MINAR1: variants seen among roughly 807,000 people sequenced by gnomAD.
The protein encoded by MINAR1 is major intrinsically disordered Notch2-binding receptor 1.
Under a neutral mutation model 65.1 loss-of-function variants are expected in MINAR1, and 40 were observed. The observed-to-expected ratio is 0.61, with a 90% CI of 0.48 to 0.80. The LOEUF (loss-of-function observed/expected upper bound fraction) is 0.80. Ranked by LOEUF, MINAR1 falls within the 30% of genes least tolerant of loss-of-function variation. The pLI, the probability that MINAR1 is intolerant of heterozygous loss-of-function variation, is 0.00. For synonymous variants in MINAR1, 482 were observed against 449.1 expected, an observed-to-expected ratio of 1.07 and a Z score of -0.93; for missense variants, 1,128 against 1,148.0, an observed-to-expected ratio of 0.98 and a Z score of 0.25.
At chr15:79,442,061 T>TA (rs1894884874) in intron 1 of MINAR1, among the ~76,000 whole-genome samples, 2 of 150,948 alleles carry the variant, frequency 1.3e-5, no homozygotes, top group South Asian at 2.1e-4. Context: ...TTTTTTTTTT[T>TA]ACTGTTTTTT....
intron 1 of MINAR1, among the ~76,000 whole-genome samples, chr15:79,436,606 G>A (rs1894605680): frequency 6.6e-6 from 1 of 152,226 alleles, no homozygotes; most frequent in Non-Finnish European, 1.5e-5. Context: ...TTGGTGGAAT[G>A]AATTGAATGA....
chr15:79,464,089 G>A (rs998992978), intron 3 of MINAR1, among the ~76,000 whole-genome samples: 1 of 152,120 alleles, frequency 6.6e-6, no homozygotes, highest in Non-Finnish European at 1.5e-5. Context: ...AGGCTTCCCT[G>A]AAATGGCCTT....
At chr15:79,440,781 C>T (rs1894849009) in intron 1 of MINAR1, among the ~76,000 whole-genome samples, 1 of 152,174 alleles carries the variant, frequency 6.6e-6, no homozygotes, top group African/African-American at 2.4e-5. Context: ...GTTGTAATAC[C>T]TCCCCTTGTT....
In MINAR1 at chr15:79,458,292, G is replaced by A. The variant is rs200979092; in HGVS notation, c.2145G>A (p.Glu715=). The change falls in exon 2 of 4, where the codon GAG becomes GAA. Residue 715 remains glutamate (E), a synonymous_variant. Coordinates refer to ENST00000305428, the MANE Select transcript of MINAR1 (RefSeq NM_015206.3). ...CATCCTCTAGGTCCCTAACAGAGGA[G>A]AACAGTGCCACAGAGTCCAAAATTG... The part of the protein sequence containing the change: ...TRPSSRSLTE[E]NSATESKIAS... The A allele has an allele frequency of 8.1e-6, 13 of 1,614,118 alleles. No homozygotes were observed. The highest frequency in any genetic ancestry group is 3.3e-4 in the Middle Eastern group (2 of 6,062).
chr15:79,462,612 G>T (rs969542350), intron 2 of MINAR1, among the ~76,000 whole-genome samples: 4 of 151,438 alleles, frequency 2.6e-5, no homozygotes, highest in Non-Finnish European at 5.9e-5. Context: ...GAAAGGACCC[G>T]TATCTTTTAC....
At position 79,452,038 on chromosome 15, in the gene MINAR1, G is replaced by A. The variant is rs148187803; in HGVS notation, c.-50-4060G>A. ...GTGAGCCTGTGTATGTGGTGTATACGTGTTTGTGAATGTGTGTGTGTGCAG... is the reference window on the plus strand; with the variant it reads ...GTGAGCCTGTGTATGTGGTGTATACATGTTTGTGAATGTGTGTGTGTGCAG... On this transcript the variant is annotated intron_variant, in intron 1 of 3. Coordinates refer to ENST00000305428, the MANE Select transcript of MINAR1 (RefSeq NM_015206.3). Among the ~76,000 whole-genome samples the A allele has an allele frequency of 7.5e-3, 1,135 of 152,206 alleles. 18 individuals are homozygous for A. The highest frequency in any genetic ancestry group is 0.026 in the African/African-American group (1,075 of 41,534).
At chr15:79,420,411 GAAT>G in the MINAR1 span, 2 of 152,190 alleles carry the variant, frequency 1.3e-5, no homozygotes, top group Admixed American at 6.5e-5. Context: ...AGTAAAATAA[GAAT>G]AAATTTTTGG....
chr15:79,431,384 C>T (rs1015731930), upstream of MINAR1, among the ~76,000 whole-genome samples: 2 of 152,180 alleles, frequency 1.3e-5, no homozygotes. Flanking sequence ...TGTGTTTCGG[C>T]TCCACTCCAG....
chr15:79,459,105 A>G (rs8035910), intron 2 of MINAR1, among the ~76,000 whole-genome samples: 57,646 of 151,802 alleles, frequency 0.38, 11,316 homozygotes, highest in African/African-American at 0.49. Context: ...GCTTGAACCC[A>G]GGAGGCAGAG....
chr15:79,413,559 T>G, the MINAR1 span: 1 of 152,254 alleles, frequency 6.6e-6, no homozygotes, highest in Non-Finnish European at 1.5e-5. Context: ...GCCATCCAGG[T>G]AAGAAACCTT....
the MINAR1 span, chr15:79,416,103 A>G: frequency 1.3e-5 from 2 of 152,182 alleles, no homozygotes; most frequent in African/African-American, 4.8e-5. Flanking sequence ...TTCAGATATT[A>G]ATTTCATTTT....
chr15:79,427,100 G>A, the MINAR1 span: 1 of 152,196 alleles, frequency 6.6e-6, no homozygotes, highest in East Asian at 1.9e-4. Flanking sequence ...GAAAAAACAA[G>A]ATCATGTCCT....
upstream of MINAR1, among the ~76,000 whole-genome samples, chr15:79,431,561 A>C (rs1894440083): frequency 6.6e-6 from 1 of 151,906 alleles, no homozygotes; most frequent in African/African-American, 2.4e-5. Flanking sequence ...CAGTCTTTCC[A>C]ATCTGGATCC....
chr15:79,461,945 C>A (rs992351954), intron 2 of MINAR1, among the ~76,000 whole-genome samples: 6 of 152,238 alleles, frequency 3.9e-5, no homozygotes, highest in Non-Finnish European at 8.8e-5. Flanking sequence ...CGTGTGCCCA[C>A]GTTCTTGCAC....
At position 79,457,825 on chromosome 15, in the gene MINAR1, CCT is replaced by C; in HGVS notation, c.1679_1680del (p.Pro560ArgfsTer23). 1.2e-6 allele frequency: 2 copies of C among 1,614,094 alleles called. No homozygotes were observed. Among genetic ancestry groups the C allele is most frequent in the Non-Finnish European group, 1.7e-6 (2 of 1,180,038 alleles). ...CCATAAGTCAGACTGCGACAGTTCC[CCT>C]GAGCACAACTTAACCAAAATTGCCA... The part of the protein sequence containing the change: ...QLHKSDCDSS[P>X]EHNLTKIANG... On this transcript the variant is annotated frameshift_variant, in exon 2 of 4. Transcript: ENST00000305428. LOFTEE classifies it high-confidence loss of function.
rs1895493388 is a variant in MINAR1 at position 79,457,879 on chromosome 15, A to G, written c.1732A>G (p.Lys578Glu). The change falls in exon 2 of 4, where the codon AAG (lysine) becomes GAG (glutamate). Residue 578 changes from lysine (K) to glutamate (E), a missense_variant. Lys to Glu is a moderately conservative substitution (Grantham distance 56). Transcript: ENST00000305428. ...ANGVPNSKGDKGNRPENTHHS... is the reference protein window; with the variant it reads ...ANGVPNSKGDEGNRPENTHHS... ...TGGGGTCCCCAACAGCAAGGGAGAC[A>G]AGGGCAACCGGCCTGAAAACACCCA... 2 of 1,614,132 alleles carry G rather than the reference A, an allele frequency of 1.2e-6. No individual in the cohort carries two copies. Among genetic ancestry groups the G allele is most frequent in the Non-Finnish European group, 1.7e-6 (2 of 1,180,044 alleles).
At chr15:79,428,268 T>TCTTCTTTCCTTC (rs1464855687), upstream of MINAR1, among the ~76,000 whole-genome samples, 5 of 107,454 alleles carry the variant, frequency 4.7e-5, no homozygotes, top group African/African-American at 2.0e-4. Context: ...CTCCTTCCTT[T>TCTTCTTTCCTTC]CTTCTCCCTC....
At chr15:79,455,349 T>A (rs1359736460) in intron 1 of MINAR1, among the ~76,000 whole-genome samples, 2 of 152,228 alleles carry the variant, frequency 1.3e-5, no homozygotes, top group Middle Eastern at 6.3e-3. Context: ...TCACTCAATA[T>A]TATATCATAG....
chr15:79,458,565 C>G (rs1895527843), intron 2 of MINAR1, 120 bp downstream of exon 2: 3 of 1,268,952 alleles, frequency 2.4e-6, no homozygotes, highest in Non-Finnish European at 3.2e-6. Context: ...GCCAGTCATC[C>G]TTCCAGGTTT....
Sources: allele counts gnomAD v4.1 joint callset (sites outside exome capture counted in the v4.1 genomes callset), GRCh38; gene constraint gnomAD v4.1.1; transcripts MANE v1.5; gene names NCBI Gene and HGNC (gene_info 2026-07-23, HGNC 2026-07-21).